The following DAAM1 variants were observed in gnomAD, a reference collection of about 807,000 sequenced individuals.
DAAM1 encodes the protein dishevelled associated activator of morphogenesis 1, also known as disheveled-associated activator of morphogenesis 1.
DAAM1 carries 52 observed loss-of-function variants against 130.0 expected under a neutral mutation model. That is an observed-to-expected ratio of 0.40 (90% CI 0.32 to 0.50). The LOEUF is 0.50. DAAM1 is among the 20% of genes least tolerant of loss of function. The pLI is 0.61. For missense variants in DAAM1, 1,134 were observed against 1,303.8 expected, an observed-to-expected ratio of 0.87 and a Z score of 2.01; for synonymous variants, 452 against 444.5, an observed-to-expected ratio of 1.02 and a Z score of -0.21.
intron 2 of DAAM1, among the ~76,000 whole-genome samples, chr14:59,271,982 G>C (rs1454323017): frequency 6.6e-6 from 1 of 152,042 alleles, no homozygotes; most frequent in African/African-American, 2.4e-5. Context: ...AAAAAAAACT[G>C]GTTGTAAAGA....
intron 1 of DAAM1, among the ~76,000 whole-genome samples, chr14:59,232,874 T>C (rs1889156823): frequency 6.6e-6 from 1 of 152,144 alleles, no homozygotes; most frequent in African/African-American, 2.4e-5. Flanking sequence ...CTCCCACTTA[T>C]GAGTGAGAAC....
intron 1 of DAAM1, among the ~76,000 whole-genome samples, chr14:59,213,963 T>C (rs984694387): frequency 2.6e-5 from 4 of 152,224 alleles, no homozygotes; most frequent in South Asian, 2.1e-4. Flanking sequence ...TCAGCAGTGG[T>C]CACCTATTTC....
At chr14:59,296,931 G>A (rs1390318310) in intron 3 of DAAM1, among the ~76,000 whole-genome samples, 2 of 152,172 alleles carry the variant, frequency 1.3e-5, no homozygotes, top group East Asian at 1.9e-4. Flanking sequence ...TCAGTGCAGG[G>A]GAAGACTAAA....
At chr14:59,279,183 A>G (rs1255855216) in intron 2 of DAAM1, among the ~76,000 whole-genome samples, 2 of 152,058 alleles carry the variant, frequency 1.3e-5, no homozygotes. Context: ...CCAGCATCCC[A>G]TCTCCCCTTG....
intron 3 of DAAM1, among the ~76,000 whole-genome samples, chr14:59,300,650 A>G (rs1222624275): frequency 6.6e-6 from 1 of 152,240 alleles, no homozygotes; most frequent in African/African-American, 2.4e-5. Context: ...TATTCACCTC[A>G]GATTTTTTTT....
intron 3 of DAAM1, among the ~76,000 whole-genome samples, chr14:59,301,415 C>G (rs1884167396): frequency 6.6e-6 from 1 of 151,878 alleles, no homozygotes; most frequent in Non-Finnish European, 1.5e-5. Context: ...GAACAATTTG[C>G]TTAATATTTA....
At chr14:59,351,771 A>G (rs1398184887) in intron 17 of DAAM1, among the ~76,000 whole-genome samples, 2 of 152,174 alleles carry the variant, frequency 1.3e-5, no homozygotes, top group African/African-American at 2.4e-5. Flanking sequence ...AAAAAAAGTT[A>G]AGGGCATTTG....
intron 2 of DAAM1, among the ~76,000 whole-genome samples, chr14:59,276,300 A>C (rs1293450120): frequency 6.6e-6 from 1 of 152,168 alleles, no homozygotes; most frequent in African/African-American, 2.4e-5. Context: ...TTTTCTGTTT[A>C]TTTGCTGCCA....
chr14:59,313,028 A>G (rs189386066), intron 3 of DAAM1, among the ~76,000 whole-genome samples: 1 of 152,356 alleles, frequency 6.6e-6, no homozygotes, highest in African/African-American at 2.4e-5. Flanking sequence ...CCTAAGAAAA[A>G]GGGAAGAGTT....
At chr14:59,216,617 A>C (rs1044066284) in intron 1 of DAAM1, among the ~76,000 whole-genome samples, 2 of 152,120 alleles carry the variant, frequency 1.3e-5, no homozygotes, top group African/African-American at 4.8e-5. Flanking sequence ...GGTATTTGGG[A>C]GGCTGAGGCC....
chr14:59,212,830 C>T (rs145443575), intron 1 of DAAM1, among the ~76,000 whole-genome samples: 20 of 152,216 alleles, frequency 1.3e-4, no homozygotes, highest in Middle Eastern at 6.8e-3. Context: ...CGCAGTGGCT[C>T]CCAATCTTTT....
chr14:59,318,314 G>A (rs146664107), intron 4 of DAAM1, among the ~76,000 whole-genome samples: 512 of 151,820 alleles, frequency 3.4e-3, no homozygotes, highest in Non-Finnish European at 5.8e-3. Context: ...AATGACCTCT[G>A]GGCCACATTT....
intron 16 of DAAM1, among the ~76,000 whole-genome samples, chr14:59,345,134 C>T (rs1249393993): frequency 2.6e-5 from 4 of 152,156 alleles, no homozygotes; most frequent in African/African-American, 9.7e-5. Flanking sequence ...GAGTCTAAGG[C>T]TACCCAGTTG....
At chr14:59,342,313 C>CATGG (rs1429352382) in intron 16 of DAAM1, among the ~76,000 whole-genome samples, 2 of 152,188 alleles carry the variant, frequency 1.3e-5, no homozygotes, top group Non-Finnish European at 2.9e-5. Flanking sequence ...CCCTCTCTCC[C>CATGG]ATGGATGATT....
intron 1 of DAAM1, among the ~76,000 whole-genome samples, chr14:59,192,847 A>G (rs1298957109): frequency 1.3e-5 from 2 of 152,240 alleles, no homozygotes; most frequent in Non-Finnish European, 2.9e-5. Flanking sequence ...AGGTCAGGAC[A>G]TCGAGACCAT....
chr14:59,338,388 T>G lies in DAAM1; in HGVS notation c.1969-1686T>G. On this transcript the variant is annotated intron_variant, in intron 15 of 24. Coordinates refer to ENST00000360909, the MANE Select transcript of DAAM1 (RefSeq NM_001270520.2). ...CATGCCTCTGCCATGGCTGTAGGAT[T>G]TCTTTGTGAACAGTAACTCCAAGCA... 4 of 1,613,782 alleles carry G rather than the reference T, an allele frequency of 2.5e-6. No homozygotes were observed. Among genetic ancestry groups the G allele is most frequent in the Non-Finnish European group, 3.4e-6 (4 of 1,179,806 alleles).
intron 11 of DAAM1, 36 bp from the exon 12 acceptor site, chr14:59,326,897 T>C: frequency 6.2e-7 from 1 of 1,611,130 alleles, no homozygotes. Context: ...ACCTTTTATA[T>C]TTTTTGTAAT....
chr14:59,291,100 G>T (rs1316467530), intron 2 of DAAM1, 117 bp from the exon 3 acceptor site: 5 of 820,090 alleles, frequency 6.1e-6, no homozygotes, highest in Non-Finnish European at 9.3e-6. Flanking sequence ...TCTTTTTCAA[G>T]TTCATTTAAA....
chr14:59,302,528 T>C (rs535997958), intron 3 of DAAM1, among the ~76,000 whole-genome samples: 51 of 152,318 alleles, frequency 3.3e-4, no homozygotes, highest in African/African-American at 1.1e-3. Flanking sequence ...ATGGGAAGAA[T>C]GCTCCTGTCT....
Sources: allele counts gnomAD v4.1 joint callset (sites outside exome capture counted in the v4.1 genomes callset), GRCh38; gene constraint gnomAD v4.1.1; transcripts MANE v1.5; gene names NCBI Gene and HGNC (gene_info 2026-07-23, HGNC 2026-07-21).